The following KIT variants were observed in gnomAD, a reference collection of about 807,000 sequenced individuals.
The protein encoded by KIT is mast/stem cell growth factor receptor Kit.
A neutral mutation model predicts 105.7 loss-of-function variants in KIT; 16 were observed. The observed-to-expected ratio is 0.15, with a 90% CI of 0.10 to 0.23. The LOEUF (loss-of-function observed/expected upper bound fraction) is 0.23. Ranked by LOEUF, KIT falls within the 10% of genes least tolerant of loss-of-function variation. The pLI, the probability that KIT is intolerant of heterozygous loss-of-function variation, is 1.00. For synonymous variants in KIT, 438 were observed against 441.1 expected, an observed-to-expected ratio of 0.99 and a Z score of 0.09; for missense variants, 858 against 1,213.8, an observed-to-expected ratio of 0.71 and a Z score of 4.36.
rs1420039532 is a variant in KIT at position 54,738,750 on chromosome 4, A to G, written c.*193A>G. ...CCACCATCCTATTGCAAAGGTTCCAACTGTATATATTCCCAATAGCAACGT... is the reference window on the plus strand; with the variant it reads ...CCACCATCCTATTGCAAAGGTTCCAGCTGTATATATTCCCAATAGCAACGT... On this transcript the variant is annotated 3_prime_UTR_variant, in exon 21 of 21. Transcript: ENST00000288135. 1.4e-6 allele frequency: 1 copy of G among 691,690 alleles called. No individual in the cohort carries two copies. The highest frequency in any genetic ancestry group is 2.6e-5 in the East Asian group (1 of 38,588). The allele number at this position is 691,690 out of a possible 1,614,324, so 42.8% of individuals were successfully genotyped here.
intron 1 of KIT, among the ~76,000 whole-genome samples, chr4:54,681,299 C>T (rs867714947): frequency 3.0e-4 from 45 of 151,700 alleles, no homozygotes; most frequent in African/African-American, 9.0e-4. Flanking sequence ...TGCGGGGAAA[C>T]GGGGGACTGT....
intron 5 of KIT, 118 bp from the exon 6 acceptor site, chr4:54,706,980 A>G (rs2109704418): frequency 1.5e-6 from 1 of 645,478 alleles, no homozygotes; most frequent in Admixed American, 2.8e-5. Context: ...AAATTCTCTT[A>G]TTGCCAATTA....
chr4:54,675,845 T>C (rs1373930985), intron 1 of KIT, among the ~76,000 whole-genome samples: 1 of 152,156 alleles, frequency 6.6e-6, no homozygotes, highest in East Asian at 1.9e-4. Flanking sequence ...CTCTCAGATG[T>C]AGTGCACCAG....
At chr4:54,662,967 T>A (rs931852502) in intron 1 of KIT, among the ~76,000 whole-genome samples, 1 of 151,702 alleles carries the variant, frequency 6.6e-6, no homozygotes, top group African/African-American at 2.4e-5. Flanking sequence ...ATTGAATAGA[T>A]CTTGAACTTT....
At chr4:54,707,644 G>A (rs1479066775) in intron 6 of KIT, among the ~76,000 whole-genome samples, 2 of 152,208 alleles carry the variant, frequency 1.3e-5, no homozygotes, top group African/African-American at 4.8e-5. Flanking sequence ...GTTTCTTAAA[G>A]CTGTAAGAAA....
intron 7 of KIT, among the ~76,000 whole-genome samples, chr4:54,722,133 A>T (rs748378881): frequency 1.2e-4 from 18 of 151,936 alleles, no homozygotes; most frequent in Non-Finnish European, 2.4e-4. Flanking sequence ...CTACAGGCGC[A>T]TGTCACTGTG....
In KIT at chr4:54,725,964, A is replaced by C. The variant is rs1553891439; in HGVS notation, c.1454A>C (p.His485Pro). 3.1e-6 allele frequency: 5 copies of C among 1,614,166 alleles called. No homozygotes were observed. The highest frequency in any genetic ancestry group is 4.2e-6 in the Non-Finnish European group (5 of 1,179,990). Residue 485 changes from histidine to proline, a missense_variant, in exon 9 of 21, where the codon CAC becomes CCC. By Grantham distance (77) the His-to-Pro change is moderately conservative. Coordinates refer to ENST00000288135, the MANE Select transcript of KIT (RefSeq NM_000222.3). ...QSSIDSSAFK[H>P]NGTVECKAYN... Reference sequence around the variant, plus strand: ...TCTATAGATTCTAGTGCATTCAAGCACAATGGCACGGTTGAATGTAAGGCT... The same window carrying C: ...TCTATAGATTCTAGTGCATTCAAGCCCAATGGCACGGTTGAATGTAAGGCT...
chr4:54,708,016 C>T (rs3020826), intron 6 of KIT, among the ~76,000 whole-genome samples: 75,570 of 151,874 alleles, frequency 0.5, 19,021 homozygotes, highest in East Asian at 0.76. Context: ...TGGAAAAATA[C>T]GGGTGAGAGA....
chr4:54,667,617 GCT>G (rs1480829814), intron 1 of KIT, among the ~76,000 whole-genome samples: 1 of 152,200 alleles, frequency 6.6e-6, no homozygotes, highest in Admixed American at 6.5e-5. Context: ...TAGCCGGAAG[GCT>G]CTGCTCCCGC....
chr4:54,695,692 T>C lies in KIT; in HGVS notation c.248T>C (p.Ile83Thr), dbSNP rs2109662222. 6.2e-7 allele frequency: 1 copy of C among 1,614,212 alleles called. No homozygotes were observed. The highest frequency in any genetic ancestry group is 8.5e-7 in the Non-Finnish European group (1 of 1,180,036). Reference sequence around the variant, plus strand: ...AATGAGAATAAGCAGAATGAATGGATCACGGAAAAGGCAGAAGCCACCAAC... The same window carrying C: ...AATGAGAATAAGCAGAATGAATGGACCACGGAAAAGGCAGAAGCCACCAAC... ...ETNENKQNEW[I>T]TEKAEATNTG... The change falls in exon 2 of 21, where the codon ATC (isoleucine) becomes ACC (threonine). Residue 83 changes from isoleucine (I) to threonine (T), a missense_variant. By Grantham distance (89) the Ile-to-Thr change is moderately conservative (BLOSUM62 -1). Transcript: ENST00000288135.
At chr4:54,726,827 A>C (rs970055724) in intron 9 of KIT, among the ~76,000 whole-genome samples, 1 of 152,078 alleles carries the variant, frequency 6.6e-6, no homozygotes, top group African/African-American at 2.4e-5. Flanking sequence ...TCAGTGTAGA[A>C]AATTTGGAAA....
chr4:54,735,829 A>G (rs1578006455), intron 17 of KIT, among the ~76,000 whole-genome samples: 2 of 152,276 alleles, frequency 1.3e-5, no homozygotes, highest in South Asian at 4.2e-4. Context: ...CAGGATTGGT[A>G]TAAAGGTTCC....
intron 17 of KIT, among the ~76,000 whole-genome samples, chr4:54,734,241 G>A (rs2109805044): frequency 6.6e-6 from 1 of 152,288 alleles, no homozygotes; most frequent in Non-Finnish European, 1.5e-5. Context: ...GAGGAAGAAG[G>A]TGGCCGCCTC....
intron 1 of KIT, among the ~76,000 whole-genome samples, chr4:54,667,881 A>G (rs1401784238): frequency 6.6e-6 from 1 of 152,108 alleles, no homozygotes; most frequent in Non-Finnish European, 1.5e-5. Context: ...ATGTATTTTG[A>G]GTTGTTTTTA....
intron 8 of KIT, among the ~76,000 whole-genome samples, chr4:54,725,592 G>A (rs1463711155): frequency 2.6e-5 from 4 of 151,934 alleles, no homozygotes; most frequent in East Asian, 3.9e-4. Context: ...TTTTACAGTC[G>A]TAGAAACTCA....
rs949106758 is a variant in KIT at position 54,739,895 on chromosome 4, T to C, written c.*1338T>C. 2.6e-5 allele frequency: 6 copies of C among 233,532 alleles called. No individual in the cohort carries two copies. In the South Asian group the frequency reaches 9.1e-4, roughly 35 times the overall value. 14.5% of individuals were successfully genotyped at this position (233,532 alleles called of 1,614,324 possible). On this transcript the variant is annotated 3_prime_UTR_variant, in exon 21 of 21. Coordinates refer to ENST00000288135, the MANE Select transcript of KIT (RefSeq NM_000222.3). ...CAGTTCACCTGCACTTAAGGCACTC[T>C]GTTATTTAGACTCATCTTACTGTAC...
intron 1 of KIT, among the ~76,000 whole-genome samples, chr4:54,694,473 C>A (rs192884798): frequency 6.6e-6 from 1 of 152,180 alleles, no homozygotes; most frequent in Non-Finnish European, 1.5e-5. Flanking sequence ...ACCTCAGCCT[C>A]CCGCCTCAGC....
At chr4:54,701,469 A>G (rs1044411417) in intron 4 of KIT, among the ~76,000 whole-genome samples, 14 of 152,186 alleles carry the variant, frequency 9.2e-5, no homozygotes, top group Non-Finnish European at 1.9e-4. Flanking sequence ...CATTGTTGCC[A>G]TTGTTTAAGC....
rs377565162 is a variant in KIT at position 54,734,278 on chromosome 4, A to G, written c.2484+1086A>G. ...AGGCCCAGTCTTGATGAATTCTGCA[A>G]TCTGTCTCCATTATTTCATGCCTGT... On this transcript the variant is annotated intron_variant, in intron 17 of 20. Coordinates refer to ENST00000288135, the MANE Select transcript of KIT (RefSeq NM_000222.3). Among the ~76,000 whole-genome samples, 12 of 152,316 alleles carry G rather than the reference A, an allele frequency of 7.9e-5. No individual in the cohort carries two copies. The East Asian group carries it at 1.9e-3, about 24-fold the overall frequency.
Sources: gnomAD v4.1 joint callset for allele counts (sites outside exome capture counted in the v4.1 genomes callset) on GRCh38, gnomAD v4.1.1 for gene constraint, MANE v1.5 for transcripts, NCBI Gene and HGNC (gene_info 2026-07-23, HGNC 2026-07-21) for gene names.